The following CEP290 variants were observed in gnomAD, a reference collection of about 807,000 sequenced individuals.
The protein encoded by CEP290 is centrosomal protein of 290 kDa.
A neutral mutation model predicts 344.9 loss-of-function variants in CEP290; 317 were observed. The observed-to-expected ratio is 0.92, with a 90% confidence interval of 0.84 to 1.01. The LOEUF is 1.01. CEP290 is among the 50% of genes least tolerant of loss of function. The pLI is 0.00. For missense variants in CEP290, 2,754 were observed against 2,761.4 expected, an observed-to-expected ratio of 1.00 and a Z score of 0.06; for synonymous variants, 932 against 895.8, an observed-to-expected ratio of 1.04 and a Z score of -0.72.
At position 88,121,116 on chromosome 12, in the gene CEP290, C is replaced by G; in HGVS notation, c.1240G>C (p.Asp414His). The G allele has an allele frequency of 6.2e-7, 1 of 1,613,382 alleles. No individual in the cohort carries two copies. The highest frequency in any genetic ancestry group is 8.5e-7 in the Non-Finnish European group (1 of 1,179,600). The change falls in exon 14 of 54, where the codon GAC (aspartate) becomes CAC (histidine). Residue 414 changes from aspartate to histidine, a missense_variant. Coordinates refer to ENST00000552810, the MANE Select transcript of CEP290 (RefSeq NM_025114.4). ...QTHMKIQSTL[D>H]ILKEKTKEAE... is the part of the protein sequence containing the mutation. ...TCTTTAGTTTTCTCTTTTAAAATGT[C>G]TAACGTTGACTGAATTTTCATATGA...
At chr12:88,105,477 TAAAC>T (rs1407414357) in intron 25 of CEP290, among the ~76,000 whole-genome samples, 1 of 152,204 alleles carries the variant, frequency 6.6e-6, no homozygotes, top group Non-Finnish European at 1.5e-5. Flanking sequence ...AACTTCAAGA[TAAAC>T]AAATAGCCTG....
chr12:88,141,463 CA>C, intron 1 of CEP290, 129 bp from the exon 2 acceptor site: 1 of 457,830 alleles, frequency 2.2e-6, no homozygotes, highest in Non-Finnish European at 3.8e-6. Context: ...AATTGGGCCA[CA>C]AAATAGACAA....
intron 46 of CEP290, among the ~76,000 whole-genome samples, chr12:88,061,309 A>G (rs1333029842): frequency 6.6e-6 from 1 of 152,170 alleles, no homozygotes; most frequent in Non-Finnish European, 1.5e-5. Flanking sequence ...TGTTCTCTCC[A>G]GTATATCAGA....
Position 88,060,892 on chromosome 12 carries a change from C to T in CEP290, c.6460G>A (p.Ala2154Thr), listed in dbSNP as rs1319955144. The change falls in exon 47 of 54, where the codon GCA becomes ACA. Residue 2154 changes from alanine to threonine, a missense_variant. By Grantham distance (58) the Ala-to-Thr change is moderately conservative. Coordinates refer to ENST00000552810, the MANE Select transcript of CEP290 (RefSeq NM_025114.4). ...VQRENEQLKK[A>T]SGILTSEKMA... ...TTTTCACTAGTCAATATTCCTGATGCTTTTTTCAACTGTTCATTTTCTCTC... is the reference window on the plus strand; with the variant it reads ...TTTTCACTAGTCAATATTCCTGATGTTTTTTTCAACTGTTCATTTTCTCTC... 5.2e-6 allele frequency: 8 copies of T among 1,544,434 alleles called. No individual in the cohort carries two copies. In the South Asian group the frequency reaches 1.0e-4, roughly 19 times the overall value.
intron 13 of CEP290, among the ~76,000 whole-genome samples, chr12:88,122,558 G>GA (rs1479809022): frequency 1.3e-5 from 2 of 152,086 alleles, no homozygotes; most frequent in Admixed American, 1.3e-4. Context: ...TTAAGTTCAA[G>GA]ATGTAGAGTA....
At chr12:88,132,445 A>G (rs774949706) in intron 6 of CEP290, among the ~76,000 whole-genome samples, 11 of 152,234 alleles carry the variant, frequency 7.2e-5, no homozygotes, top group Non-Finnish European at 1.6e-4. Flanking sequence ...GGACTAGATA[A>G]TGGTGTTGAA....
chr12:88,051,668 T>C (rs989337991), intron 52 of CEP290: 2 of 152,106 alleles, frequency 1.3e-5, no homozygotes, highest in African/African-American at 4.8e-5. Context: ...CTTAAGAAAC[T>C]GAGGAATGGA....
chr12:88,093,903 AT>A lies in CEP290; in HGVS notation c.3175del (p.Ile1059Ter), dbSNP rs62640570. On this transcript the variant is annotated frameshift_variant, in exon 28 of 54. Coordinates refer to ENST00000552810, the MANE Select transcript of CEP290 (RefSeq NM_025114.4). LOFTEE classifies it high-confidence loss of function. The stretch of plus-strand genomic sequence containing the variant: ...TAATTCCTTCATTTCCAGCATAGTT[AT>A]TTTTTTTGAAATGGAAACAATGTCA... ...NSDIVSISKK[I>X]TMLEMKELNE... 13 of 1,610,394 alleles carry A rather than the reference AT, an allele frequency of 8.1e-6. No individual in the cohort carries two copies. Among genetic ancestry groups the A allele is most frequent in the South Asian group, 4.4e-5 (4 of 90,742 alleles).
intron 19 of CEP290, 97 bp from the exon 20 acceptor site, chr12:88,114,659 T>A: frequency 2.0e-6 from 2 of 1,015,202 alleles, no homozygotes; most frequent in Non-Finnish European, 2.7e-6. Context: ...ACCAAAGACA[T>A]CATTGGAAAA....
intron 44 of CEP290, 42 bp from the exon 45 acceptor site, chr12:88,064,157 A>T: frequency 6.8e-7 from 1 of 1,476,402 alleles, no homozygotes; most frequent in Non-Finnish European, 9.1e-7. Flanking sequence ...AAGTTTAATA[A>T]ATAAAAGCCA....
chr12:88,074,882 T>C (rs1347435411), intron 41 of CEP290, among the ~76,000 whole-genome samples: 1 of 152,194 alleles, frequency 6.6e-6, no homozygotes, highest in Non-Finnish European at 1.5e-5. Context: ...TCCACACCCC[T>C]TCCCCCATAT....
rs1258876822 is a variant in CEP290, at chr12:88,141,999, G to A, written c.-127C>T. The A allele has an allele frequency of 6.6e-6, 1 of 152,252 alleles. No homozygotes were observed. The highest frequency in any genetic ancestry group is 1.5e-5 in the Non-Finnish European group (1 of 68,108). 9.4% of individuals were successfully genotyped at this position (152,252 alleles called of 1,614,324 possible). On this transcript the variant is annotated 5_prime_UTR_variant, in exon 1 of 54. Coordinates refer to ENST00000552810, the MANE Select transcript of CEP290 (RefSeq NM_025114.4). ...ACAGATCCCTATCGCGGTTCCACGC[G>A]GACTCTGGGTCCAGCCAAATGGTCC...
intron 18 of CEP290, among the ~76,000 whole-genome samples, 192 bp downstream of exon 18, chr12:88,116,841 G>A (rs2039071527): frequency 6.6e-6 from 1 of 151,926 alleles, no homozygotes; most frequent in South Asian, 2.1e-4. Flanking sequence ...GGGCGTGGTG[G>A]CGGGCGCCTG....
At position 88,121,105 on chromosome 12, in the gene CEP290, T is replaced by A. The variant is rs1229677005; in HGVS notation, c.1251A>T (p.Lys417Asn). 6.2e-7 allele frequency: 1 copy of A among 1,613,540 alleles called. No individual in the cohort carries two copies. Among genetic ancestry groups the A allele is most frequent in the Non-Finnish European group, 8.5e-7 (1 of 1,179,662 alleles). Residue 417 changes from lysine (K) to asparagine (N), a missense_variant, in exon 14 of 54, where the codon AAA becomes AAT. By Grantham distance (94) the Lys-to-Asn change is moderately conservative. Coordinates refer to ENST00000552810, the MANE Select transcript of CEP290 (RefSeq NM_025114.4). ...MKIQSTLDIL[K>N]EKTKEAERTA... ...TTCTCTCAGCCTCTTTAGTTTTCTC[T>A]TTTAAAATGTCTAACGTTGACTGAA...
intron 49 of CEP290, 77 bp downstream of exon 49, chr12:88,058,771 G>T: frequency 7.2e-7 from 1 of 1,395,514 alleles, no homozygotes; most frequent in Non-Finnish European, 9.9e-7. Context: ...AGGTTATCCA[G>T]AATAGTGTTG....
Position 88,120,156 on chromosome 12 carries a change from T to G in CEP290, c.1480A>C (p.Ser494Arg). Reference sequence around the variant, plus strand: ...GCCTCATTTTCATCAAGGAAATCACTGATCTTCAATTCAAGTTTATTGATT... The same window carrying G: ...GCCTCATTTTCATCAAGGAAATCACGGATCTTCAATTCAAGTTTATTGATT... ...KEINKLELKI[S>R]DFLDENEALR... The change falls in exon 15 of 54, where the codon AGT becomes CGT. Residue 494 changes from serine (S) to arginine (R), a missense_variant. Coordinates refer to ENST00000552810, the MANE Select transcript of CEP290 (RefSeq NM_025114.4). 1 of 1,542,694 alleles carries G rather than the reference T, an allele frequency of 6.5e-7. No individual in the cohort carries two copies. Among genetic ancestry groups the G allele is most frequent in the Non-Finnish European group, 8.8e-7 (1 of 1,142,334 alleles).
At position 88,080,173 on chromosome 12, in the gene CEP290, GTTAC is replaced by G. The variant is rs1353301232; in HGVS notation, c.5226+5_5226+8del. 2.6e-6 allele frequency: 4 copies of G among 1,560,332 alleles called. No homozygotes were observed. Among genetic ancestry groups the G allele is most frequent in the Non-Finnish European group, 3.5e-6 (4 of 1,146,206 alleles). ...TCCTAAATGTTGATAATTTTCTGTT[GTTAC>G]TTACTTTCTGTTGTTTCTCCTTCAA... On this transcript the variant is annotated splice_donor_5th_base_variant and intron_variant, in intron 38 of 53. Transcript: ENST00000552810.
intron 26 of CEP290, among the ~76,000 whole-genome samples, chr12:88,100,323 A>G (rs1005267380): frequency 2.0e-5 from 3 of 151,696 alleles, no homozygotes; most frequent in African/African-American, 7.3e-5. Flanking sequence ...CTCAATCTAC[A>G]TCTATTTCTT....
At chr12:88,093,402 A>G (rs2037192832) in intron 28 of CEP290, among the ~76,000 whole-genome samples, 1 of 152,102 alleles carries the variant, frequency 6.6e-6, no homozygotes, top group African/African-American at 2.4e-5. Context: ...CCCTGAAAGT[A>G]GAGATTATTG....
Sources: gnomAD v4.1 joint callset for allele counts (sites outside exome capture counted in the v4.1 genomes callset) on GRCh38, gnomAD v4.1.1 for gene constraint, MANE v1.5 for transcripts, NCBI Gene and HGNC (gene_info 2026-07-23, HGNC 2026-07-21) for gene names.